Variants in UNC13B observed in about 807,000 individuals in gnomAD.
UNC13B encodes the protein protein unc-13 homolog B.
UNC13B carries 144 observed loss-of-function variants against 211.0 expected under a neutral mutation model. That is an observed-to-expected ratio of 0.68 (90% confidence interval 0.60 to 0.78). UNC13B has a LOEUF of 0.78. UNC13B is among the 30% of genes least tolerant of loss of function. UNC13B has a pLI of 0.00. For synonymous variants in UNC13B, 709 were observed against 725.8 expected, an observed-to-expected ratio of 0.98 and a Z score of 0.37; for missense variants, 1,777 against 2,002.0, an observed-to-expected ratio of 0.89 and a Z score of 2.14.
At chr9:35,242,596 A>G (rs1825869957) in intron 5 of UNC13B, among the ~76,000 whole-genome samples, 1 of 152,182 alleles carries the variant, frequency 6.6e-6, no homozygotes, top group Non-Finnish European at 1.5e-5. Context: ...AAGTTTATCC[A>G]TGTTATGGCA....
At chr9:35,396,319 A>C (rs771112151) in intron 26 of UNC13B, among the ~76,000 whole-genome samples, 157 bp from the exon 27 acceptor site, 1 of 152,086 alleles carries the variant, frequency 6.6e-6, no homozygotes, top group Admixed American at 6.5e-5. Context: ...TGAGCAGAAC[A>C]CTGTTGGGGA....
chr9:35,208,727 GA>G (rs1564068977), intron 1 of UNC13B, among the ~76,000 whole-genome samples: 1 of 152,154 alleles, frequency 6.6e-6, no homozygotes, highest in East Asian at 1.9e-4. Flanking sequence ...AAGCTTTCAT[GA>G]GAACTCCACC....
intron 11 of UNC13B, among the ~76,000 whole-genome samples, chr9:35,321,365 C>A (rs747471614): frequency 6.6e-6 from 1 of 152,056 alleles, no homozygotes; most frequent in Non-Finnish European, 1.5e-5. Flanking sequence ...GGACTACAGG[C>A]GTGTGCCACC....
intron 1 of UNC13B, among the ~76,000 whole-genome samples, chr9:35,175,728 T>C (rs576098098): frequency 2.6e-5 from 4 of 151,986 alleles, no homozygotes; most frequent in South Asian, 4.1e-4. Flanking sequence ...TTAAGAGTAG[T>C]CTTAAAGGCC....
intron 6 of UNC13B, among the ~76,000 whole-genome samples, chr9:35,257,038 C>G (rs1281669366): frequency 6.6e-6 from 1 of 151,988 alleles, no homozygotes; most frequent in Non-Finnish European, 1.5e-5. Flanking sequence ...CTTCTTAATA[C>G]TTAAAATTTT....
chr9:35,317,042 A>G (rs961471682), intron 11 of UNC13B, among the ~76,000 whole-genome samples: 1 of 152,178 alleles, frequency 6.6e-6, no homozygotes, highest in Admixed American at 6.5e-5. Context: ...TTTAATTTTT[A>G]TAATATATAT....
chr9:35,273,274 A>C (rs193030756), intron 7 of UNC13B, among the ~76,000 whole-genome samples: 1 of 152,352 alleles, frequency 6.6e-6, no homozygotes, highest in African/African-American at 2.4e-5. Context: ...GACCACCACA[A>C]ACTTCAGAAG....
At chr9:35,377,769 G>A (rs1451656919) in intron 16 of UNC13B, 74 bp downstream of exon 16, 8 of 1,449,316 alleles carry the variant, frequency 5.5e-6, no homozygotes, top group African/African-American at 1.4e-5. Flanking sequence ...AACATCCTGA[G>A]CGTGAGGGAG....
chr9:35,286,226 C>CTTT (rs777657602), intron 7 of UNC13B, among the ~76,000 whole-genome samples: 19 of 117,648 alleles, frequency 1.6e-4, no homozygotes, highest in Non-Finnish European at 2.7e-4. Flanking sequence ...AAGCTTGGAA[C>CTTT]TTTTTTTTTT....
chr9:35,166,478 C>T (rs1163405315), intron 1 of UNC13B, among the ~76,000 whole-genome samples: 1 of 151,968 alleles, frequency 6.6e-6, no homozygotes, highest in Non-Finnish European at 1.5e-5. Context: ...GGGCCTACCA[C>T]CTGCCAATAC....
intron 1 of UNC13B, among the ~76,000 whole-genome samples, chr9:35,216,428 T>C (rs372213117): frequency 1.3e-5 from 2 of 152,170 alleles, no homozygotes; most frequent in East Asian, 3.9e-4. Flanking sequence ...TGGACTTGCT[T>C]GATTGTTTAT....
chr9:35,200,105 T>C (rs1227935847), intron 1 of UNC13B, among the ~76,000 whole-genome samples: 5 of 152,122 alleles, frequency 3.3e-5, no homozygotes, highest in Middle Eastern at 3.2e-3. Context: ...GGAATCCTTT[T>C]CCCATTTCTT....
chr9:35,259,765 A>G (rs1479185022), intron 7 of UNC13B, among the ~76,000 whole-genome samples: 12 of 92,344 alleles, frequency 1.3e-4, no homozygotes, highest in East Asian at 3.7e-4. Context: ...AACCTGTGAT[A>G]TGTGTGTGTG....
At chr9:35,255,017 ATGT>A (rs1564096152) in intron 6 of UNC13B, among the ~76,000 whole-genome samples, 1 of 109,358 alleles carries the variant, frequency 9.1e-6, no homozygotes, top group East Asian at 2.1e-4. Context: ...ATATTAATAT[ATGT>A]ATATATAATA....
intron 12 of UNC13B, among the ~76,000 whole-genome samples, chr9:35,369,972 G>A (rs925917763): frequency 1.3e-5 from 2 of 152,146 alleles, no homozygotes; most frequent in Admixed American, 6.6e-5. Flanking sequence ...CCCTGAATGT[G>A]GGGAGAAGCC....
At position 35,331,457 on chromosome 9, in the gene UNC13B, G is replaced by C. The variant is rs370090471; in HGVS notation, c.9414+17468G>C. ...AGATGGGGTTTCGCCATCTTGGCCA[G>C]GCTGGTCTTGAACTCCTGGCCTCAA... is the stretch of plus-strand genomic sequence containing the variant. On this transcript the variant is annotated intron_variant, in intron 11 of 39. Coordinates refer to ENST00000635942, the MANE Select transcript of UNC13B (RefSeq NM_001371189.2). Among the ~76,000 whole-genome samples the C allele has an allele frequency of 7.3e-4, 111 of 152,274 alleles. 1 individual carries two copies. The South Asian group carries it at 0.018, about 25-fold the overall frequency.
intron 11 of UNC13B, chr9:35,352,470 A>G: frequency 2.4e-6 from 3 of 1,232,164 alleles, no homozygotes; most frequent in Non-Finnish European, 3.0e-6. Flanking sequence ...AAGAATCCCC[A>G]GAAGGAGTCT....
chr9:35,272,219 T>C (rs1006196643), intron 7 of UNC13B, among the ~76,000 whole-genome samples: 9 of 151,076 alleles, frequency 6.0e-5, no homozygotes, highest in Non-Finnish European at 1.3e-4. Context: ...TTTGTTTTTT[T>C]TTTTGGTTGT....
At chr9:35,337,969 A>G (rs1303166862) in intron 11 of UNC13B, among the ~76,000 whole-genome samples, 1 of 152,182 alleles carries the variant, frequency 6.6e-6, no homozygotes, top group African/African-American at 2.4e-5. Flanking sequence ...TCCTCGGTAT[A>G]TGGCCTCTTT....
Sources: gnomAD v4.1 joint callset for allele counts (sites outside exome capture counted in the v4.1 genomes callset) on GRCh38, gnomAD v4.1.1 for gene constraint, MANE v1.5 for transcripts, NCBI Gene and HGNC (gene_info 2026-07-23, HGNC 2026-07-21) for gene names.